DPP6: variants seen among roughly 807,000 people sequenced by gnomAD.
The protein encoded by DPP6 is A-type potassium channel modulatory protein DPP6.
DPP6 carries 69 observed loss-of-function variants against 122.6 expected under a neutral mutation model. The ratio of observed to expected loss-of-function variants is 0.56; its 90% CI spans 0.46 to 0.69. The LOEUF (loss-of-function observed/expected upper bound fraction) is 0.69. Ranked by LOEUF, DPP6 falls within the 30% of genes least tolerant of loss-of-function variation. The pLI is 0.00. For synonymous variants in DPP6, 418 were observed against 433.1 expected (o/e 0.97, Z 0.43); for missense variants, 928 against 1,116.9 (o/e 0.83, Z 2.41).
chr7:154,074,369 C>T (rs1164988692), intron 1 of DPP6, among the ~76,000 whole-genome samples: 3 of 152,020 alleles, frequency 2.0e-5, no homozygotes, highest in Non-Finnish European at 4.4e-5. Context: ...CTAACCAAGA[C>T]AATCATGAAG....
At chr7:153,981,745 C>G (rs1202714659) in intron 1 of DPP6, among the ~76,000 whole-genome samples, 1 of 152,098 alleles carries the variant, frequency 6.6e-6, no homozygotes, top group Non-Finnish European at 1.5e-5. Context: ...CTGGTGGTGA[C>G]AAAATCTCTC....
intron 6 of DPP6, among the ~76,000 whole-genome samples, chr7:154,664,618 A>C (rs891722010): frequency 6.6e-6 from 1 of 150,966 alleles, no homozygotes; most frequent in Non-Finnish European, 1.5e-5. Context: ...GTTCATAGGC[A>C]CATAATGAGG....
the DPP6 span, among the ~76,000 whole-genome samples, chr7:153,796,653 A>G: frequency 1.3e-5 from 2 of 152,218 alleles, no homozygotes; most frequent in African/African-American, 2.4e-5. Flanking sequence ...CAAAGGCCAC[A>G]TGTTACCAAC....
chr7:154,133,825 G>A (rs965163162), intron 1 of DPP6, among the ~76,000 whole-genome samples: 18 of 148,830 alleles, frequency 1.2e-4, no homozygotes, highest in African/African-American at 4.0e-4. Context: ...AAGACTTGGC[G>A]TCATCCCAGG....
chr7:154,328,073 G>A (rs1430164494), intron 1 of DPP6, among the ~76,000 whole-genome samples: 2 of 152,180 alleles, frequency 1.3e-5, no homozygotes, highest in African/African-American at 4.8e-5. Flanking sequence ...CCCCACGTCT[G>A]TGAGCTCAAG....
chr7:154,823,483 A>G (rs1205704136), intron 16 of DPP6, among the ~76,000 whole-genome samples: 1 of 152,230 alleles, frequency 6.6e-6, no homozygotes, highest in Non-Finnish European at 1.5e-5. Flanking sequence ...TGGCAACTTT[A>G]TATGTGTCTT....
At chr7:154,726,914 C>T (rs1842094108) in intron 7 of DPP6, among the ~76,000 whole-genome samples, 1 of 152,330 alleles carries the variant, frequency 6.6e-6, no homozygotes, top group South Asian at 2.1e-4. Context: ...TCAGCCTGGA[C>T]TTCATTGTCT....
intron 1 of DPP6, among the ~76,000 whole-genome samples, chr7:153,977,720 C>T (rs574036273): frequency 2.6e-4 from 39 of 152,144 alleles, no homozygotes; most frequent in Admixed American, 7.9e-4. Flanking sequence ...CCCCCACCCC[C>T]GACAGACCCC....
chr7:153,776,654 T>C, the DPP6 span, among the ~76,000 whole-genome samples: 1 of 152,146 alleles, frequency 6.6e-6, no homozygotes, highest in African/African-American at 2.4e-5. Context: ...TATAACCAAC[T>C]GACTTGTTGC....
intron 1 of DPP6, among the ~76,000 whole-genome samples, chr7:153,897,299 G>A (rs1799454611): frequency 6.6e-6 from 1 of 152,112 alleles, no homozygotes; most frequent in African/African-American, 2.4e-5. Flanking sequence ...AGTTGCAACT[G>A]AAAAGAAACA....
chr7:154,860,550 G>A (rs1803296678), intron 17 of DPP6, among the ~76,000 whole-genome samples: 1 of 152,218 alleles, frequency 6.6e-6, no homozygotes, highest in South Asian at 2.1e-4. Context: ...TGCAGGGAGA[G>A]ATGCACCTGG....
At chr7:154,157,046 G>A (rs1418102711) in intron 1 of DPP6, among the ~76,000 whole-genome samples, 1 of 152,202 alleles carries the variant, frequency 6.6e-6, no homozygotes. Flanking sequence ...CCCTCACTGG[G>A]ATAATTAAAT....
In DPP6 at chr7:154,431,854, C is replaced by T. The variant is rs143907518; in HGVS notation, c.244-14360C>T. 1.1e-3 allele frequency among the ~76,000 whole-genome samples: 164 copies of T among 152,208 alleles called. 1 individual carries two copies. The highest frequency in any genetic ancestry group is 3.8e-3 in the African/African-American group (157 of 41,526). On this transcript the variant is annotated intron_variant, in intron 1 of 25. Transcript: ENST00000377770. Reference sequence around the variant, plus strand: ...AGCCTTTCCTTCTCCCTTTCTTACCCGACTTCCTTGGAATTGGTATTCAGG... The same window carrying T: ...AGCCTTTCCTTCTCCCTTTCTTACCTGACTTCCTTGGAATTGGTATTCAGG...
chr7:154,080,953 C>G (rs1279801774), intron 1 of DPP6, among the ~76,000 whole-genome samples: 2 of 152,098 alleles, frequency 1.3e-5, no homozygotes, highest in Non-Finnish European at 2.9e-5. Flanking sequence ...TTACCTTCTG[C>G]TCTCTGTATG....
intron 1 of DPP6, among the ~76,000 whole-genome samples, chr7:154,030,685 C>T (rs575643415): frequency 3.1e-4 from 47 of 152,236 alleles, no homozygotes; most frequent in Admixed American, 1.6e-3. Context: ...TTGGATCTGA[C>T]GCTCTCCTCT....
chr7:154,747,350 G>C (rs59038222), intron 8 of DPP6, among the ~76,000 whole-genome samples: 7,500 of 152,246 alleles, frequency 0.049, 622 homozygotes, highest in African/African-American at 0.17. Context: ...GAGGCTCTGA[G>C]AAGCGAAATG....
chr7:154,639,072 G>A (rs1234891284), intron 6 of DPP6, among the ~76,000 whole-genome samples: 1 of 152,172 alleles, frequency 6.6e-6, no homozygotes, highest in Non-Finnish European at 1.5e-5. Context: ...TTCCATAGGT[G>A]AGCATTAATC....
intron 1 of DPP6, among the ~76,000 whole-genome samples, chr7:153,928,623 C>T (rs1374042831): frequency 6.6e-6 from 1 of 151,734 alleles, no homozygotes; most frequent in South Asian, 2.1e-4. Flanking sequence ...CCTTTGGGCT[C>T]TTTTATCAGG....
In DPP6 at chr7:154,863,198, G is replaced by A. The variant is rs553380254; in HGVS notation, c.1715-4797G>A. Among the ~76,000 whole-genome samples the A allele has an allele frequency of 5.9e-5, 9 of 152,204 alleles. No homozygotes were observed. The highest frequency in any genetic ancestry group is 3.9e-4 in the East Asian group (2 of 5,170). On this transcript the variant is annotated intron_variant, in intron 17 of 25. Transcript: ENST00000377770. This position sits in a 1 kb window ranked among gnomAD's most constrained non-coding sequence, Gnocchi z 4.1. ...ATTACAGACGTGAGCCACCGCACCC[G>A]AACCCTTTCCTTTGTCTTTTCTATT... is the stretch of plus-strand genomic sequence containing the variant.
Sources: allele counts gnomAD v4.1 joint callset (sites outside exome capture counted in the v4.1 genomes callset), GRCh38; gene constraint gnomAD v4.1.1; non-coding constraint Gnocchi (gnomAD v3.1); transcripts MANE v1.5; gene names NCBI Gene and HGNC (gene_info 2026-07-23, HGNC 2026-07-21).